TUBGCP2: variants seen among roughly 807,000 people sequenced by gnomAD.
TUBGCP2 encodes tubulin gamma complex component 2.
In TUBGCP2, 55 loss-of-function variants were observed where a neutral mutation model predicts 92.2. That is an observed-to-expected ratio of 0.60 (90% CI 0.48 to 0.75). TUBGCP2 has a LOEUF of 0.75. TUBGCP2 is among the 30% of genes least tolerant of loss of function. TUBGCP2 has a pLI of 0.00. For synonymous variants in TUBGCP2, 533 were observed against 505.2 expected, an observed-to-expected ratio of 1.06 and a Z score of -0.74; for missense variants, 1,093 against 1,188.9, an observed-to-expected ratio of 0.92 and a Z score of 1.19.
rs927805702 is a variant in TUBGCP2 at position 133,308,826 on chromosome 10, A to G, written c.-43T>C. ...CCCGCGTTCGGCCAGGACTCACCGC[A>G]GTCCCGGAGCCACAGCCCCCGCGCA... On this transcript the variant is annotated 5_prime_UTR_variant, in exon 1 of 18. Coordinates refer to ENST00000252936, the MANE Select transcript of TUBGCP2 (RefSeq NM_006659.4). 1.0e-3 allele frequency: 883 copies of G among 867,982 alleles called. 1 individual carries two copies. Among genetic ancestry groups the G allele is most frequent in the Admixed American group, 1.3e-3 (29 of 21,718 alleles). The allele number at this position is 867,982 out of a possible 1,614,324, so 53.8% of individuals were successfully genotyped here.
intron 4 of TUBGCP2, 150 bp from the exon 5 acceptor site, chr10:133,298,261 G>T: frequency 1.1e-6 from 1 of 869,958 alleles, no homozygotes. Context: ...AATGAAATGC[G>T]CCTCGACATC....
intron 1 of TUBGCP2, among the ~76,000 whole-genome samples, chr10:133,303,957 G>A (rs556422645): frequency 1.3e-5 from 2 of 152,352 alleles, no homozygotes; most frequent in East Asian, 3.9e-4. Flanking sequence ...GGGTCAGGGG[G>A]CAGGGTGAGC....
In TUBGCP2 at chr10:133,281,360, A is replaced by T; in HGVS notation, c.2486T>A (p.Phe829Tyr). The T allele has an allele frequency of 6.2e-7, 1 of 1,613,790 alleles. No individual in the cohort carries two copies. The highest frequency in any genetic ancestry group is 1.1e-5 in the South Asian group (1 of 91,066). The change falls in exon 17 of 18, where the codon TTC becomes TAC. Residue 829 changes from phenylalanine to tyrosine, a missense_variant. Physicochemically the swap from Phe to Tyr is conservative, Grantham distance 22. Around this residue, in one of 3 missense-constraint regions of TUBGCP2, gnomAD observed 598 missense variants for 675.5 expected, o/e 0.89. Coordinates refer to ENST00000252936, the MANE Select transcript of TUBGCP2 (RefSeq NM_006659.4). Reference sequence around the variant, plus strand: ...CAGGAGGTCCAGCAGGTGGGCTGAGAAGTTCTTGTCAAACTTGTTGATGGT... The same window carrying T: ...CAGGAGGTCCAGCAGGTGGGCTGAGTAGTTCTTGTCAAACTTGTTGATGGT... ...EATINKFDKN[F>Y]SAHLLDLLAR...
Position 133,279,808 on chromosome 10 carries a change from C to G in TUBGCP2, c.2667G>C (p.Gly889=). Residue 889 remains glycine (G), a synonymous_variant, in exon 18 of 18, where the codon GGG becomes GGC. Coordinates refer to ENST00000252936, the MANE Select transcript of TUBGCP2 (RefSeq NM_006659.4). ...CGACCCTGGGTGCAGGAGCCGGGGG[C>G]CCCCGCAGGACAGGCACTTGGGGGG... The part of the protein sequence containing the change: ...KATPQVPVLR[G]PPAPAPRVAV... The G allele has an allele frequency of 6.3e-7, 1 of 1,577,476 alleles. No individual in the cohort carries two copies. The highest frequency in any genetic ancestry group is 1.4e-5 in the African/African-American group (1 of 73,972).
chr10:133,292,056 A>G (rs183507039), intron 8 of TUBGCP2, among the ~76,000 whole-genome samples: 103 of 4,734 alleles, frequency 0.022, 45 homozygotes, highest in Non-Finnish European at 0.03. Context: ...CGTGTCCCCC[A>G]TGTCCCTCCG....
rs916800488 is a variant in TUBGCP2, at chr10:133,285,900, G to A, written c.1723-272C>T. ...CTGTGGGTGGTATAAGGGAAAAACC[G>A]CTAAGGACGGTGAAAGAAACGTGAT... is the stretch of plus-strand genomic sequence containing the variant. On this transcript the variant is annotated intron_variant, in intron 11 of 17. Transcript: ENST00000252936. This position sits in a 1 kb window ranked among gnomAD's most constrained non-coding sequence, Gnocchi z 6.8. Among the ~76,000 whole-genome samples, 4 of 152,114 alleles carry A rather than the reference G, an allele frequency of 2.6e-5. No individual in the cohort carries two copies. The highest frequency in any genetic ancestry group is 4.8e-5 in the African/African-American group (2 of 41,428).
intron 1 of TUBGCP2, among the ~76,000 whole-genome samples, chr10:133,303,925 G>C (rs1424435041): frequency 6.6e-6 from 1 of 152,232 alleles, no homozygotes; most frequent in Non-Finnish European, 1.5e-5. Flanking sequence ...GTGGGGTCAG[G>C]GTGTAGGGTG....
chr10:133,288,875 G>T lies in TUBGCP2; in HGVS notation c.1506C>A (p.Phe502Leu). Residue 502 changes from phenylalanine (F) to leucine (L), a missense_variant, in exon 10 of 18, where the codon TTC (phenylalanine) becomes TTA (leucine). By Grantham distance (22) the Phe-to-Leu change is conservative (BLOSUM62 0). Transcript: ENST00000252936. ...FNYASKVLLD[F>L]LMEEKELVAH... ...CCACCAGCTCCTTCTCCTCCATCAG[G>T]AAGTCCAGCAGCACCTTGCTGGCGT... 3 of 1,613,634 alleles carry T rather than the reference G, an allele frequency of 1.9e-6. No homozygotes were observed. Among genetic ancestry groups the T allele is most frequent in the African/African-American group, 1.3e-5 (1 of 75,026 alleles).
At chr10:133,300,316 C>G in intron 2 of TUBGCP2, 1 of 574,244 alleles carries the variant, frequency 1.7e-6, no homozygotes, top group Non-Finnish European at 2.9e-6. Context: ...TGGCTCATGA[C>G]TGTAATCCCA....
chr10:133,311,969 G>C, upstream of TUBGCP2: 1 of 1,610,868 alleles, frequency 6.2e-7, no homozygotes, highest in Non-Finnish European at 8.5e-7. Flanking sequence ...AAGAAAATCG[G>C]CTTCCGCCAG....
chr10:133,292,644 T>C lies in TUBGCP2; in HGVS notation c.1069A>G (p.Ser357Gly), dbSNP rs1160999085. ...CTGAAGCTCCTGTCGTGGAGCAGGCTCAGCGTGGACCCCCCAAGACATTCG... is the reference window on the plus strand; with the variant it reads ...CTGAAGCTCCTGTCGTGGAGCAGGCCCAGCGTGGACCCCCCAAGACATTCG... ...KGECLGGSTL[S>G]LLHDRSFSYT... The change falls in exon 8 of 18, where the codon AGC becomes GGC. Residue 357 changes from serine (S) to glycine (G), a missense_variant. By Grantham distance (56) the Ser-to-Gly change is moderately conservative. Around this residue, in one of 3 missense-constraint regions of TUBGCP2, gnomAD observed 490 missense variants for 488.5 expected, o/e 1.00. Transcript: ENST00000252936. 3 of 1,614,068 alleles carry C rather than the reference T, an allele frequency of 1.9e-6. No homozygotes were observed. The East Asian group carries it at 6.7e-5, about 36-fold the overall frequency.
At chr10:133,289,141 G>A in intron 9 of TUBGCP2, 121 bp from the exon 10 acceptor site, 1 of 1,140,826 alleles carries the variant, frequency 8.8e-7, no homozygotes, top group East Asian at 2.5e-5. Context: ...CGGTCAGTCT[G>A]AGGCCCCAGC....
chr10:133,297,897 A>C, intron 5 of TUBGCP2, 55 bp downstream of exon 5: 9 of 1,593,120 alleles, frequency 5.6e-6, no homozygotes, highest in Non-Finnish European at 6.0e-6. Context: ...CAGAGCCCGG[A>C]AATCAACGCA....
At chr10:133,311,535 C>A, upstream of TUBGCP2, 1 of 585,094 alleles carries the variant, frequency 1.7e-6, no homozygotes, top group Non-Finnish European at 3.0e-6. Flanking sequence ...AATGGCCTTG[C>A]TGTAATCATT....
intron 16 of TUBGCP2, 50 bp from the exon 17 acceptor site, chr10:133,281,486 C>T: frequency 6.3e-7 from 1 of 1,593,674 alleles, no homozygotes; most frequent in Non-Finnish European, 8.5e-7. Flanking sequence ...CACCGTGGGC[C>T]TTCTTGGCTC....
At chr10:133,310,074 C>T (rs1847954196), upstream of TUBGCP2, 1 of 1,609,348 alleles carries the variant, frequency 6.2e-7, no homozygotes. Flanking sequence ...AGGCCGGGGA[C>T]ACCTTTCCGC....
intron 2 of TUBGCP2, chr10:133,301,700 C>CTTTTTTTTTTTTTTTTTTT (rs71016439): frequency 1.9e-4 from 17 of 87,254 alleles, no homozygotes; most frequent in African/African-American, 8.6e-4. Flanking sequence ...CAGTCCCTCC[C>CTTTTTTTTTTTTTTTTTTT]TTTTTTTTTT....
chr10:133,309,926 C>T (rs1385083793), upstream of TUBGCP2: 2 of 1,613,598 alleles, frequency 1.2e-6, no homozygotes, highest in Admixed American at 1.7e-5. Context: ...ACGCCCACAT[C>T]CTGGAGTGGC....
chr10:133,284,151 C>G (rs1203014518), intron 13 of TUBGCP2, 149 bp from the exon 14 acceptor site: 2 of 1,295,874 alleles, frequency 1.5e-6, no homozygotes, highest in African/African-American at 3.0e-5. Flanking sequence ...CCCAGCACAC[C>G]AGACACTCAC....
Sources: allele counts gnomAD v4.1 joint callset (sites outside exome capture counted in the v4.1 genomes callset), GRCh38; gene constraint gnomAD v4.1.1; regional missense constraint gnomAD v4.1.1; non-coding constraint Gnocchi (gnomAD v3.1); transcripts MANE v1.5; gene names NCBI Gene and HGNC (gene_info 2026-07-23, HGNC 2026-07-21).